The following ABCA1 variants were observed in gnomAD, a reference collection of about 807,000 sequenced individuals.
ABCA1 encodes the protein ATP binding cassette subfamily A member 1, also known as phospholipid-transporting ATPase ABCA1.
Under a neutral mutation model 262.5 loss-of-function variants are expected in ABCA1, and 133 were observed. That is an observed-to-expected ratio of 0.51 (90% CI 0.44 to 0.59). ABCA1 has a LOEUF of 0.59. ABCA1 is among the 20% of genes least tolerant of loss of function. The pLI, the probability that ABCA1 is intolerant of heterozygous loss-of-function variation, is 0.00. For synonymous variants in ABCA1, 1,022 were observed against 1,043.5 expected (o/e 0.98, Z 0.40); for missense variants, 2,452 against 2,777.5 (o/e 0.88, Z 2.63).
intron 5 of ABCA1, among the ~76,000 whole-genome samples, chr9:104,866,360 G>A (rs184775134): frequency 1.9e-4 from 29 of 152,184 alleles, no homozygotes; most frequent in African/African-American, 5.3e-4. Flanking sequence ...AAAGCCAGAT[G>A]TCTGAAACAT....
At position 104,820,483 on chromosome 9, in the gene ABCA1, C is replaced by A. The variant is rs555217096; in HGVS notation, c.2961-414G>T. Among the ~76,000 whole-genome samples the A allele has an allele frequency of 1.1e-4, 16 of 152,250 alleles. No homozygotes were observed. In the East Asian group the frequency reaches 2.9e-3, roughly 28 times the overall value. On this transcript the variant is annotated intron_variant, in intron 20 of 49. Coordinates refer to ENST00000374736, the MANE Select transcript of ABCA1 (RefSeq NM_005502.4). ...GGCTCTGAAAGCGGGGAGGACCCTG[C>A]ACATGAGCCCCATGTGTTCACTTTA...
At chr9:104,813,066 G>A (rs1386702462) in intron 27 of ABCA1, among the ~76,000 whole-genome samples, 1 of 152,186 alleles carries the variant, frequency 6.6e-6, no homozygotes, top group Non-Finnish European at 1.5e-5. Context: ...TATGAAACAG[G>A]CCATGTACGT....
chr9:104,800,445 G>C, intron 35 of ABCA1, 65 bp downstream of exon 35: 9 of 1,491,450 alleles, frequency 6.0e-6, no homozygotes, highest in Non-Finnish European at 7.5e-6. Context: ...TGAGTTGAAA[G>C]TACTCCAGGA....
chr9:104,858,452 G>T lies in ABCA1; in HGVS notation c.720+70C>A. 2.7e-6 allele frequency: 4 copies of T among 1,505,186 alleles called. No individual in the cohort carries two copies. The South Asian group carries it at 3.4e-5, about 13-fold the overall frequency. The allele number at this position is 1,505,186 out of a possible 1,614,324, so 93.2% of individuals were successfully genotyped here. On this transcript the variant is annotated intron_variant, in intron 7 of 49. Transcript: ENST00000374736. ...CTTTTCTACAAAACAAAGTCATGCT[G>T]TCCAAGGAAAAGCCTCACATTCCGA...
At chr9:104,915,877 T>C (rs1841811796) in intron 1 of ABCA1, among the ~76,000 whole-genome samples, 2 of 152,136 alleles carry the variant, frequency 1.3e-5, no homozygotes, top group African/African-American at 4.8e-5. Context: ...TGAACTAGAA[T>C]TGGACAATGT....
intron 4 of ABCA1, among the ~76,000 whole-genome samples, chr9:104,883,908 A>AG (rs943255375): frequency 3.9e-5 from 6 of 152,250 alleles, no homozygotes; most frequent in Non-Finnish European, 7.3e-5. Flanking sequence ...TACAAAGGGA[A>AG]GGGGCAGCAT....
intron 1 of ABCA1, among the ~76,000 whole-genome samples, chr9:104,926,149 GT>G (rs912246725): frequency 1.3e-5 from 2 of 152,026 alleles, no homozygotes; most frequent in Admixed American, 1.3e-4. Flanking sequence ...TACCCAGAAG[GT>G]TTTTTTAAAT....
At chr9:104,858,370 A>T in intron 7 of ABCA1, 152 bp downstream of exon 7, 1 of 869,488 alleles carries the variant, frequency 1.2e-6, no homozygotes, top group South Asian at 1.4e-5. Flanking sequence ...AAAGAACACT[A>T]AGAACACTTA....
Position 104,820,085 on chromosome 9 carries a change from C to A in ABCA1, c.2961-16G>T. The A allele has an allele frequency of 6.2e-7, 1 of 1,614,026 alleles. No homozygotes were observed. Among genetic ancestry groups the A allele is most frequent in the Non-Finnish European group, 8.5e-7 (1 of 1,179,998 alleles). ...GACAGTCAGCCTGGGGACAGGGAGG[C>A]AGGTCAGCTCTGGGCCCTACTGGAT... On this transcript the variant is annotated splice_polypyrimidine_tract_variant and intron_variant, in intron 20 of 49. Coordinates refer to ENST00000374736, the MANE Select transcript of ABCA1 (RefSeq NM_005502.4).
intron 2 of ABCA1, among the ~76,000 whole-genome samples, chr9:104,890,272 C>T (rs1035738276): frequency 7.2e-5 from 11 of 152,096 alleles, no homozygotes; most frequent in African/African-American, 2.4e-4. Context: ...TTTTTGTCTT[C>T]TTTTTTTAAA....
At position 104,817,421 on chromosome 9, in the gene ABCA1, A is replaced by C. The variant is rs778499157; in HGVS notation, c.3463-17T>G. The C allele has an allele frequency of 6.2e-7, 1 of 1,614,138 alleles. No homozygotes were observed. Among genetic ancestry groups the C allele is most frequent in the South Asian group, 1.1e-5 (1 of 91,086 alleles). ...ACTGTCCTCCTGATGGCAAAGAAGG[A>C]GGTGAGAACGGGTCAGGGACGGAGC... On this transcript the variant is annotated splice_polypyrimidine_tract_variant and intron_variant, in intron 23 of 49. Transcript: ENST00000374736. The surrounding 1 kb of genome is among the most constrained non-coding windows in gnomAD (Gnocchi z 4.7).
intron 1 of ABCA1, chr9:104,927,599 G>C (rs1243554028): frequency 1.3e-5 from 2 of 152,408 alleles, no homozygotes; most frequent in Non-Finnish European, 2.9e-5. Context: ...CGGACCTGCA[G>C]CTCTCCCCAC....
intron 2 of ABCA1, among the ~76,000 whole-genome samples, chr9:104,901,501 T>C (rs1373548747): frequency 6.6e-6 from 1 of 152,104 alleles, no homozygotes; most frequent in East Asian, 1.9e-4. Flanking sequence ...TCCCAGCAAG[T>C]GGGCCCCCTC....
rs769700120 is a variant in ABCA1 at position 104,792,886 on chromosome 9, G to A, written c.5657C>T (p.Ser1886Phe). The A allele has an allele frequency of 3.4e-5, 55 of 1,613,914 alleles. No homozygotes were observed. The highest frequency in any genetic ancestry group is 4.0e-5 in the Non-Finnish European group (47 of 1,180,002). ...ATCTTCATCTTCATCATTCAGAGGA[G>A]ATAGCTTTGCATTTACAGGTCTTGG... ...IRPRPVNAKL[S>F]PLNDEDEDVR... The change falls in exon 42 of 50, where the codon TCT becomes TTT. Residue 1886 changes from serine (S) to phenylalanine (F), a missense_variant. By Grantham distance (155) the Ser-to-Phe change is radical. Coordinates refer to ENST00000374736, the MANE Select transcript of ABCA1 (RefSeq NM_005502.4).
At chr9:104,796,231 G>C (rs372587950) in intron 38 of ABCA1, 34 bp from the exon 39 acceptor site, 1 of 1,614,158 alleles carries the variant, frequency 6.2e-7, no homozygotes, top group Non-Finnish European at 8.5e-7. Context: ...TGTCTACTGA[G>C]AGTCCCTGCC....
In ABCA1 at chr9:104,927,958, GTC is replaced by G. The variant is rs1463020862; in HGVS notation, c.-118_-117del. 4 of 152,206 alleles carry G rather than the reference GTC, an allele frequency of 2.6e-5. No homozygotes were observed. Among genetic ancestry groups the G allele is most frequent in the Admixed American group, 6.5e-5 (1 of 15,284 alleles). 9.4% of individuals were successfully genotyped at this position (152,206 alleles called of 1,614,324 possible). A position where few individuals can be genotyped will look rare whatever the true frequency, so the allele number is the denominator to read the frequency against. ...ACCTGTTTTCCACTTTTGTGTTTGC[GTC>G]TCTTTCTCCTACCCCTTGACAAGCC... On this transcript the variant is annotated 5_prime_UTR_variant, in exon 1 of 50. Coordinates refer to ENST00000374736, the MANE Select transcript of ABCA1 (RefSeq NM_005502.4).
At chr9:104,838,975 TGGAGTGCTTTACTCC>T (rs1008670331) in intron 9 of ABCA1, among the ~76,000 whole-genome samples, 1 of 152,162 alleles carries the variant, frequency 6.6e-6, no homozygotes, top group African/African-American at 2.4e-5. Flanking sequence ...TGCGAATGTC[TGGAGTGCTTTACTCC>T]AGAGAAGAAA....
chr9:104,849,960 T>C (rs1304546844), intron 7 of ABCA1, among the ~76,000 whole-genome samples: 1 of 152,184 alleles, frequency 6.6e-6, no homozygotes, highest in Non-Finnish European at 1.5e-5. Flanking sequence ...GTATACATGA[T>C]ATAGAGGATT....
intron 7 of ABCA1, among the ~76,000 whole-genome samples, chr9:104,846,657 T>A (rs1222424644): frequency 6.6e-6 from 1 of 152,240 alleles, no homozygotes; most frequent in Non-Finnish European, 1.5e-5. Context: ...ATCCTCAATG[T>A]GCATTTCTAA....
Sources: allele counts gnomAD v4.1 joint callset (sites outside exome capture counted in the v4.1 genomes callset), GRCh38; gene constraint gnomAD v4.1.1; non-coding constraint Gnocchi (gnomAD v3.1); transcripts MANE v1.5; gene names NCBI Gene and HGNC (gene_info 2026-07-23, HGNC 2026-07-21).